The following ZBTB8B variants were observed in gnomAD, a reference collection of about 807,000 sequenced individuals.
ZBTB8B encodes the protein zinc finger and BTB domain containing 8B, also known as zinc finger and BTB domain-containing protein 8B.
A neutral mutation model predicts 30.3 loss-of-function variants in ZBTB8B; 17 were observed. The observed-to-expected ratio is 0.56, with a 90% confidence interval of 0.38 to 0.84. ZBTB8B has a LOEUF of 0.84. Among genes scored for constraint, ZBTB8B ranks in the 40% least tolerant of loss-of-function variants. The pLI is 0.00. For missense variants in ZBTB8B, 515 were observed against 644.9 expected (o/e 0.80, Z 2.18); for synonymous variants, 248 against 255.6 (o/e 0.97, Z 0.28).
At position 32,487,021 on chromosome 1, in the gene ZBTB8B, G is replaced by A. The variant is rs992338193; in HGVS notation, c.*1603G>A. On this transcript the variant is annotated 3_prime_UTR_variant, in exon 4 of 4. Transcript: ENST00000609129. The stretch of plus-strand genomic sequence containing the variant: ...GTTAGGAATTCGGAATGTAATTGAA[G>A]GCAATTTCCATAATTTTGTCTTATG... 1.3e-4 allele frequency: 20 copies of A among 152,278 alleles called. No individual in the cohort carries two copies. Among genetic ancestry groups the A allele is most frequent in the African/African-American group, 4.1e-4 (17 of 41,552 alleles). 9.4% of individuals were successfully genotyped at this position (152,278 alleles called of 1,614,324 possible).
chr1:32,470,521 A>AAAATAAAAAAT (rs1643608491), intron 1 of ZBTB8B, 63 bp from the exon 2 acceptor site: 2 of 1,169,900 alleles, frequency 1.7e-6, no homozygotes, highest in African/African-American at 3.2e-5. Flanking sequence ...AAAAAAAAAA[A>AAAATAAAAAAT]AAAAAGAAAT....
At chr1:32,468,870 A>G (rs1357127252) in intron 1 of ZBTB8B, among the ~76,000 whole-genome samples, 3 of 151,786 alleles carry the variant, frequency 2.0e-5, no homozygotes, top group Non-Finnish European at 2.9e-5. Context: ...CAAAAAAAAA[A>G]AAAGACCAGT....
chr1:32,485,425 A>G lies in ZBTB8B; in HGVS notation c.*7A>G, dbSNP rs1643738319. 6.5e-7 allele frequency: 1 copy of G among 1,545,262 alleles called. No homozygotes were observed. Among genetic ancestry groups the G allele is most frequent in the Non-Finnish European group, 8.8e-7 (1 of 1,141,588 alleles). ...CCGAGAGACACTTACGTAGCAATAA[A>G]TTGGTGGGGAAGAGGAGGTTTTAAA... On this transcript the variant is annotated 3_prime_UTR_variant, in exon 4 of 4. Transcript: ENST00000609129.
At position 32,484,975 on chromosome 1, in the gene ZBTB8B, G is replaced by A. The variant is rs993590973; in HGVS notation, c.1171-126G>A. ...ACAGACTAATACAAAGACTGTGGCA[G>A]AGAATGCAGGTGGAGTGCTGAAAAA... On this transcript the variant is annotated intron_variant, in intron 3 of 3. Coordinates refer to ENST00000609129, the MANE Select transcript of ZBTB8B (RefSeq NM_001145720.2). This position sits in a 1 kb window ranked among gnomAD's most constrained non-coding sequence, Gnocchi z 4.5. 3 of 801,628 alleles carry A rather than the reference G, an allele frequency of 3.7e-6. No homozygotes were observed. Among genetic ancestry groups the A allele is most frequent in the African/African-American group, 3.5e-5 (2 of 57,892 alleles). The allele number at this position is 801,628 out of a possible 1,614,324, so 49.7% of individuals were successfully genotyped here. A position where few individuals can be genotyped will look rare whatever the true frequency, so the allele number is the denominator to read the frequency against.
Position 32,491,144 on chromosome 1 carries a change from G to T in ZBTB8B, c.*5726G>T, listed in dbSNP as rs909200797. On this transcript the variant is annotated 3_prime_UTR_variant, in exon 4 of 4. Transcript: ENST00000609129. The stretch of plus-strand genomic sequence containing the variant: ...GGGATTATGTGCTTTGATGAGGAAG[G>T]TTTAGTAGTAACAAGCTTGGGGATT... 3 of 152,146 alleles carry T rather than the reference G, an allele frequency of 2.0e-5. No homozygotes were observed. The highest frequency in any genetic ancestry group is 2.4e-5 in the African/African-American group (1 of 41,430). 9.4% of individuals were successfully genotyped at this position (152,146 alleles called of 1,614,324 possible). A position where few individuals can be genotyped will look rare whatever the true frequency, so the allele number is the denominator to read the frequency against.
chr1:32,470,614 C>T lies in ZBTB8B; in HGVS notation c.-11C>T. The T allele has an allele frequency of 1.9e-6, 3 of 1,540,414 alleles. No individual in the cohort carries two copies. Among genetic ancestry groups the T allele is most frequent in the Non-Finnish European group, 2.6e-6 (3 of 1,139,080 alleles). Reference sequence around the variant, plus strand: ...CAGGTTTGCTCTGGAGCAGCAGCAGCTGGCGGAGCAATGGAGATGCAATCC... The same window carrying T: ...CAGGTTTGCTCTGGAGCAGCAGCAGTTGGCGGAGCAATGGAGATGCAATCC... On this transcript the variant is annotated 5_prime_UTR_variant, in exon 2 of 4. Transcript: ENST00000609129.
rs2148187603 is a variant in ZBTB8B, at chr1:32,487,018, G to T, written c.*1600G>T. 1 of 152,154 alleles carries T rather than the reference G, an allele frequency of 6.6e-6. No homozygotes were observed. Among genetic ancestry groups the T allele is most frequent in the East Asian group, 1.9e-4 (1 of 5,200 alleles). 9.4% of individuals were successfully genotyped at this position (152,154 alleles called of 1,614,324 possible). ...AGTGTTAGGAATTCGGAATGTAATT[G>T]AAGGCAATTTCCATAATTTTGTCTT... On this transcript the variant is annotated 3_prime_UTR_variant, in exon 4 of 4. Coordinates refer to ENST00000609129, the MANE Select transcript of ZBTB8B (RefSeq NM_001145720.2).
In ZBTB8B at chr1:32,465,360, G is replaced by C. The variant is rs897225496; in HGVS notation, c.-42+255G>C. Among the ~76,000 whole-genome samples, 7 of 152,252 alleles carry C rather than the reference G, an allele frequency of 4.6e-5. No individual in the cohort carries two copies. Among genetic ancestry groups the C allele is most frequent in the African/African-American group, 1.7e-4 (7 of 41,468 alleles). On this transcript the variant is annotated intron_variant, in intron 1 of 3. Transcript: ENST00000609129. This position sits in a 1 kb window ranked among gnomAD's most constrained non-coding sequence, Gnocchi z 4.1. ...GTGTCCTCCGCGTCGTCCAGCCGGG[G>C]GTCGCGGCGCCGACTACTTCCACGG...
In ZBTB8B at chr1:32,485,591, A is replaced by G. The variant is rs1643739666; in HGVS notation, c.*173A>G. On this transcript the variant is annotated 3_prime_UTR_variant, in exon 4 of 4. Transcript: ENST00000609129. ...GAGGTTGGATTTTGTGACTCAAAGG[A>G]CAGATAACCTTTTTGTGTGGTGCCC... 2.9e-6 allele frequency: 2 copies of G among 691,770 alleles called. No homozygotes were observed. Among genetic ancestry groups the G allele is most frequent in the Non-Finnish European group, 2.4e-6 (1 of 423,356 alleles). The allele number at this position is 691,770 out of a possible 1,614,324, so 42.9% of individuals were successfully genotyped here. A position where few individuals can be genotyped will look rare whatever the true frequency, so the allele number is the denominator to read the frequency against.
At chr1:32,481,623 A>G (rs969325069) in intron 3 of ZBTB8B, among the ~76,000 whole-genome samples, 1 of 152,132 alleles carries the variant, frequency 6.6e-6, no homozygotes, top group East Asian at 1.9e-4. Context: ...GAAAGATGTT[A>G]TATTTATTTA....
At chr1:32,476,903 G>C (rs571353031) in intron 2 of ZBTB8B, among the ~76,000 whole-genome samples, 1 of 152,148 alleles carries the variant, frequency 6.6e-6, no homozygotes, top group Non-Finnish European at 1.5e-5. Flanking sequence ...GTATCCCCAG[G>C]ACCCTAGAAC....
At chr1:32,474,438 G>T (rs772613621) in intron 2 of ZBTB8B, among the ~76,000 whole-genome samples, 14 of 150,404 alleles carry the variant, frequency 9.3e-5, no homozygotes, top group Non-Finnish European at 2.1e-4. Context: ...TACTCAGGAG[G>T]CTGAGGTGGG....
In ZBTB8B at chr1:32,474,481, G is replaced by A. The variant is rs182267008; in HGVS notation, c.991+2866G>A. ...CCTGAGCCTGGGAGGTCGAGGCTGC[G>A]GTGAGCTGTGATTGTGCTTCCAGCC... On this transcript the variant is annotated intron_variant, in intron 2 of 3. Coordinates refer to ENST00000609129, the MANE Select transcript of ZBTB8B (RefSeq NM_001145720.2). 4.0e-3 allele frequency among the ~76,000 whole-genome samples: 605 copies of A among 151,182 alleles called. 5 individuals carry two copies. Among genetic ancestry groups the A allele is most frequent in the African/African-American group, 0.014 (566 of 41,160 alleles).
chr1:32,474,045 T>G (rs1213150411), intron 2 of ZBTB8B, among the ~76,000 whole-genome samples: 1 of 150,372 alleles, frequency 6.7e-6, no homozygotes. Flanking sequence ...GAGATGAGGT[T>G]TCACCATGTT....
chr1:32,476,410 T>C (rs903028315), intron 2 of ZBTB8B, among the ~76,000 whole-genome samples: 8 of 152,148 alleles, frequency 5.3e-5, no homozygotes, highest in Non-Finnish European at 1.0e-4. Context: ...CTCATGTACC[T>C]GCTTTTCCTT....
In ZBTB8B at chr1:32,470,820, G is replaced by A. The variant is rs773904132; in HGVS notation, c.196G>A (p.Ala66Thr). The change falls in exon 2 of 4, where the codon GCC (alanine) becomes ACC (threonine). Residue 66 changes from alanine to threonine, a missense_variant. Around this residue, in one of 3 missense-constraint regions of ZBTB8B, gnomAD observed 61 missense variants for 117.7 expected, o/e 0.52. Transcript: ENST00000609129. ...YIQDSGRHST[A>T]SLDIVTSDAF... The stretch of plus-strand genomic sequence containing the variant: ...CCAGGACAGCGGGCGGCATAGCACC[G>A]CCTCCTTGGACATTGTCACCTCTGA... The A allele has an allele frequency of 1.8e-5, 28 of 1,551,722 alleles. No homozygotes were observed. The Admixed American group carries it at 3.7e-4, about 21-fold the overall frequency.
At position 32,465,277 on chromosome 1, in the gene ZBTB8B, C is replaced by A. The variant is rs1643562571; in HGVS notation, c.-42+172C>A. On this transcript the variant is annotated intron_variant, in intron 1 of 3. Coordinates refer to ENST00000609129, the MANE Select transcript of ZBTB8B (RefSeq NM_001145720.2). This position sits in a 1 kb window ranked among gnomAD's most constrained non-coding sequence, Gnocchi z 4.1. ...CTCCTGGGACCTCCGCCCCGCGAGC[C>A]CTTCTAGCGTGGGGAGGGGCAGGCG... Among the ~76,000 whole-genome samples, 1 of 152,272 alleles carries A rather than the reference C, an allele frequency of 6.6e-6. No homozygotes were observed. The highest frequency in any genetic ancestry group is 1.5e-5 in the Non-Finnish European group (1 of 68,046).
chr1:32,470,604 G>A lies in ZBTB8B; in HGVS notation c.-21G>A. On this transcript the variant is annotated 5_prime_UTR_variant, in exon 2 of 4. Transcript: ENST00000609129. ...GGCAGAGATACAGGTTTGCTCTGGA[G>A]CAGCAGCAGCTGGCGGAGCAATGGA... is the stretch of plus-strand genomic sequence containing the variant. 6.5e-7 allele frequency: 1 copy of A among 1,538,478 alleles called. No homozygotes were observed. The highest frequency in any genetic ancestry group is 8.8e-7 in the Non-Finnish European group (1 of 1,138,062).
chr1:32,482,669 CAAAAAAAAAAA>C (rs1050028688), intron 3 of ZBTB8B, among the ~76,000 whole-genome samples: 2 of 40,084 alleles, frequency 5.0e-5, no homozygotes, highest in African/African-American at 1.9e-4. Context: ...GACTCCGTGT[CAAAAAAAAAAA>C]AAAAAAAAAA....
Sources: gnomAD v4.1 joint callset for allele counts (sites outside exome capture counted in the v4.1 genomes callset) on GRCh38, gnomAD v4.1.1 for gene constraint, gnomAD v4.1.1 regional missense constraint, Gnocchi (gnomAD v3.1) non-coding constraint, MANE v1.5 for transcripts, NCBI Gene and HGNC (gene_info 2026-07-23, HGNC 2026-07-21) for gene names.